The following SCN9A variants were observed in gnomAD, a reference collection of about 807,000 sequenced individuals.
The protein encoded by SCN9A is sodium voltage-gated channel alpha subunit 9, also known as sodium channel protein type 9 subunit alpha.
In SCN9A, 131 loss-of-function variants were observed where a neutral mutation model predicts 187.0. The observed-to-expected ratio is 0.70, with a 90% CI of 0.61 to 0.81. SCN9A has a LOEUF of 0.81. SCN9A is among the 30% of genes least tolerant of loss of function. The pLI, the probability that SCN9A is intolerant of heterozygous loss-of-function variation, is 0.00. For missense variants in SCN9A, 2,252 were observed against 2,396.6 expected, an observed-to-expected ratio of 0.94 and a Z score of 1.26; for synonymous variants, 809 against 808.6, an observed-to-expected ratio of 1.00 and a Z score of -0.01.
chr2:166,238,749 G>T (rs1045371866), intron 19 of SCN9A, among the ~76,000 whole-genome samples: 1 of 152,150 alleles, frequency 6.6e-6, no homozygotes, highest in African/African-American at 2.4e-5. Context: ...AATAACAGCA[G>T]CAGGAAAGGA....
At chr2:166,233,498 A>C in intron 20 of SCN9A, 36 bp from the exon 21 acceptor site, 1 of 1,516,992 alleles carries the variant, frequency 6.6e-7, no homozygotes, top group East Asian at 2.4e-5. Context: ...TGTGTCAATA[A>C]AATGATGAAG....
rs544412963 is a variant in SCN9A, at chr2:166,238,325, A to T, written c.3628-58T>A. On this transcript the variant is annotated intron_variant, in intron 19 of 26. Coordinates refer to ENST00000642356, the MANE Select transcript of SCN9A (RefSeq NM_001365536.1). The stretch of plus-strand genomic sequence containing the variant: ...ACAACTTAAGCTTCATGATTCATTT[A>T]AAAAAAACAGGAAAAATACAATTCT... 87 of 1,125,772 alleles carry T rather than the reference A, an allele frequency of 7.7e-5. No individual in the cohort carries two copies. In the East Asian group the frequency reaches 2.0e-3, roughly 27 times the overall value. 69.7% of individuals were successfully genotyped at this position (1,125,772 alleles called of 1,614,324 possible).
At chr2:166,340,770 G>A (rs60310134) in intron 1 of SCN9A, among the ~76,000 whole-genome samples, 8,055 of 151,708 alleles carry the variant, frequency 0.053, 697 homozygotes, top group African/African-American at 0.18. Context: ...GCAGGCAGGC[G>A]CCACAACACC....
chr2:166,351,198 A>T (rs1700025458), intron 1 of SCN9A, among the ~76,000 whole-genome samples: 1 of 152,180 alleles, frequency 6.6e-6, no homozygotes. Flanking sequence ...AAGAAGAATA[A>T]TACAAAACAA....
intron 7 of SCN9A, chr2:166,301,164 A>T (rs1698542754): frequency 6.7e-6 from 1 of 148,798 alleles, no homozygotes; most frequent in East Asian, 1.9e-4. Flanking sequence ...ACATGAAGCA[A>T]TTCCAGAAAG....
intron 1 of SCN9A, among the ~76,000 whole-genome samples, chr2:166,333,832 A>T (rs531103846): frequency 6.6e-6 from 1 of 152,164 alleles, no homozygotes; most frequent in South Asian, 2.1e-4. Flanking sequence ...TGACAAATGT[A>T]AAAATAATTA....
chr2:166,200,355 A>G (rs1261637392), intron 26 of SCN9A, among the ~76,000 whole-genome samples: 1 of 152,100 alleles, frequency 6.6e-6, no homozygotes, highest in Non-Finnish European at 1.5e-5. Flanking sequence ...AATTCCAAAG[A>G]GAAATGACTA....
chr2:166,309,005 A>C (rs1419957456), intron 2 of SCN9A, among the ~76,000 whole-genome samples: 1 of 151,988 alleles, frequency 6.6e-6, no homozygotes, highest in African/African-American at 2.4e-5. Context: ...GAGTTTGAAC[A>C]AAAATAAGGC....
rs1693355180 is a variant in SCN9A, at chr2:166,199,178, C to CT, written c.5460dup (p.Val1821SerfsTer12). On this transcript the variant is annotated frameshift_variant, in exon 27 of 27. Coordinates refer to ENST00000642356, the MANE Select transcript of SCN9A (RefSeq NM_001365536.1). LOFTEE classifies it high-confidence loss of function. ...GGCAGATCCATGGCAATGAGCTGGA[C>CT]TTTGTTGGGTTTTGCTATGAGAAGA... 1.2e-6 allele frequency: 2 copies of CT among 1,614,076 alleles called. No homozygotes were observed. The highest frequency in any genetic ancestry group is 1.7e-6 in the Non-Finnish European group (2 of 1,180,044).
intron 1 of SCN9A, among the ~76,000 whole-genome samples, chr2:166,349,076 G>A (rs896656414): frequency 6.6e-6 from 1 of 151,962 alleles, no homozygotes; most frequent in Non-Finnish European, 1.5e-5. Flanking sequence ...GCGGTGAGCC[G>A]AGATCACGCC....
rs576009530 is a variant in SCN9A at position 166,324,217 on chromosome 2, C to G, written c.-50-12411G>C. On this transcript the variant is annotated intron_variant, in intron 1 of 26. Coordinates refer to ENST00000642356, the MANE Select transcript of SCN9A (RefSeq NM_001365536.1). Reference sequence around the variant, plus strand: ...CTGAGGCAGGAGAATTACTTGAACCCAGCAGGCAGAGGTTGCAGTGAGCCG... The same window carrying G: ...CTGAGGCAGGAGAATTACTTGAACCGAGCAGGCAGAGGTTGCAGTGAGCCG... Among the ~76,000 whole-genome samples the G allele has an allele frequency of 2.6e-5, 4 of 151,862 alleles. No individual in the cohort carries two copies. The East Asian group carries it at 7.8e-4, about 30-fold the overall frequency.
At chr2:166,236,960 C>G (rs776374099) in intron 20 of SCN9A, among the ~76,000 whole-genome samples, 46 of 151,998 alleles carry the variant, frequency 3.0e-4, no homozygotes, top group Non-Finnish European at 5.0e-4. Flanking sequence ...GCGTGTTGAC[C>G]TCTAATTATG....
At chr2:166,365,945 G>A (rs1030827280) in intron 1 of SCN9A, among the ~76,000 whole-genome samples, 1 of 152,162 alleles carries the variant, frequency 6.6e-6, no homozygotes, top group Non-Finnish European at 1.5e-5. Context: ...AAAAGAAAGA[G>A]GGAAGGAAAG....
intron 17 of SCN9A, among the ~76,000 whole-genome samples, chr2:166,257,330 T>C (rs1346617149): frequency 6.6e-6 from 1 of 151,662 alleles, no homozygotes; most frequent in East Asian, 1.9e-4. Flanking sequence ...ATATTATCTA[T>C]AATTTTGAAA....
At chr2:166,289,596 G>T (rs926874560) in intron 9 of SCN9A, among the ~76,000 whole-genome samples, 12 of 152,058 alleles carry the variant, frequency 7.9e-5, no homozygotes, top group African/African-American at 2.9e-4. Flanking sequence ...ATGGGCATTT[G>T]GGTTGGTTCC....
In SCN9A at chr2:166,275,030, G is replaced by A. The variant is rs533609863; in HGVS notation, c.2874+1953C>T. 2.6e-5 allele frequency among the ~76,000 whole-genome samples: 4 copies of A among 152,180 alleles called. No individual in the cohort carries two copies. The East Asian group carries it at 7.7e-4, about 29-fold the overall frequency. On this transcript the variant is annotated intron_variant, in intron 16 of 26. Transcript: ENST00000642356. Reference sequence around the variant, plus strand: ...AACAAGGATTAGACCATGGGTAATTGGTTTTGGTCTTCCACCCTAAATAAT... The same window carrying A: ...AACAAGGATTAGACCATGGGTAATTAGTTTTGGTCTTCCACCCTAAATAAT...
chr2:166,203,586 C>T (rs1021589097), intron 26 of SCN9A, among the ~76,000 whole-genome samples: 1 of 151,880 alleles, frequency 6.6e-6, no homozygotes, highest in Admixed American at 6.6e-5. Context: ...TATCATTAAT[C>T]AAATGACAAG....
chr2:166,322,566 A>T (rs1699270507), intron 1 of SCN9A, among the ~76,000 whole-genome samples: 1 of 152,196 alleles, frequency 6.6e-6, no homozygotes, highest in Non-Finnish European at 1.5e-5. Flanking sequence ...AGTTTTGCAC[A>T]TAATGAACAC....
chr2:166,285,616 T>A (rs1338605028), intron 11 of SCN9A, among the ~76,000 whole-genome samples: 1 of 152,176 alleles, frequency 6.6e-6, no homozygotes, highest in East Asian at 1.9e-4. Flanking sequence ...GACTCTATCT[T>A]TTTTTACTGT....
Sources: allele counts gnomAD v4.1 joint callset (sites outside exome capture counted in the v4.1 genomes callset), GRCh38; gene constraint gnomAD v4.1.1; transcripts MANE v1.5; gene names NCBI Gene and HGNC (gene_info 2026-07-23, HGNC 2026-07-21).